The following DGKB variants were observed in gnomAD, a reference collection of about 807,000 sequenced individuals.
The protein encoded by DGKB is 90 kDa diacylglycerol kinase.
A neutral mutation model predicts 114.3 loss-of-function variants in DGKB; 67 were observed. That is an observed-to-expected ratio of 0.59 (90% CI 0.48 to 0.72). DGKB has a LOEUF of 0.72. Ranked by LOEUF, DGKB falls within the 30% of genes least tolerant of loss-of-function variation. DGKB has a pLI of 0.00. For missense variants in DGKB, 907 were observed against 975.2 expected, an observed-to-expected ratio of 0.93 and a Z score of 0.93; for synonymous variants, 398 against 323.1, an observed-to-expected ratio of 1.23 and a Z score of -2.49.
chr7:14,965,483 A>C (rs950097268), intron 1 of DGKB, among the ~76,000 whole-genome samples: 4 of 152,114 alleles, frequency 2.6e-5, no homozygotes, highest in African/African-American at 9.7e-5. Flanking sequence ...CTTGAGCATC[A>C]TTTATAGCAT....
chr7:14,635,201 C>A (rs193259856), intron 13 of DGKB, among the ~76,000 whole-genome samples: 1 of 118,206 alleles, frequency 8.5e-6, no homozygotes, highest in Non-Finnish European at 1.8e-5. Flanking sequence ...ACTTCACTAC[C>A]CTTCAACTGT....
chr7:14,248,475 G>C (rs148203474), intron 23 of DGKB, among the ~76,000 whole-genome samples: 67 of 152,048 alleles, frequency 4.4e-4, no homozygotes, highest in Middle Eastern at 3.4e-3. Context: ...TAATTCTTAC[G>C]ATTCAAGAAC....
At chr7:14,844,102 C>T (rs541443579) in intron 1 of DGKB, among the ~76,000 whole-genome samples, 1 of 152,308 alleles carries the variant, frequency 6.6e-6, no homozygotes, top group East Asian at 1.9e-4. Context: ...TAAATGACTG[C>T]ATTCCCTAGA....
chr7:14,474,112 T>A (rs1187216703), intron 21 of DGKB, among the ~76,000 whole-genome samples: 2 of 152,200 alleles, frequency 1.3e-5, no homozygotes, highest in East Asian at 3.9e-4. Flanking sequence ...AATGATATGG[T>A]TTGGCCATAT....
In DGKB at chr7:14,148,363, A is replaced by G. The variant is rs73269845; in HGVS notation, c.*768T>C. 9.5e-4 allele frequency: 145 copies of G among 152,632 alleles called. No individual in the cohort carries two copies. The highest frequency in any genetic ancestry group is 3.3e-3 in the African/African-American group (138 of 41,558). The allele number at this position is 152,632 out of a possible 1,614,324, so 9.5% of individuals were successfully genotyped here. ...ATTAGGCACATAGTTTAAAACTTCT[A>G]TTTCGTTATTGGTGTGGTTATGAAT... On this transcript the variant is annotated 3_prime_UTR_variant, in exon 26 of 26. Coordinates refer to ENST00000402815, the MANE Select transcript of DGKB (RefSeq NM_001350709.2).
chr7:14,907,603 C>A (rs1554342406), upstream of DGKB, among the ~76,000 whole-genome samples: 1 of 151,974 alleles, frequency 6.6e-6, no homozygotes, highest in Non-Finnish European at 1.5e-5. Context: ...AACTGTGTGC[C>A]CTGTCTTCAT....
rs79551498 is a variant in DGKB at position 14,588,825 on chromosome 7, T to C, written c.1434-5688A>G. Among the ~76,000 whole-genome samples, 138 of 152,198 alleles carry C rather than the reference T, an allele frequency of 9.1e-4. 1 individual carries two copies. In the East Asian group the frequency reaches 0.025, roughly 27 times the overall value. On this transcript the variant is annotated intron_variant, in intron 17 of 25. Coordinates refer to ENST00000402815, the MANE Select transcript of DGKB (RefSeq NM_001350709.2). Reference sequence around the variant, plus strand: ...GCAATTACTACAGCTTTCCAGTAAGTCCATATCTCAGGGCATGAAGAATCT... The same window carrying C: ...GCAATTACTACAGCTTTCCAGTAAGCCCATATCTCAGGGCATGAAGAATCT...
chr7:14,632,047 G>A (rs1457300521), intron 13 of DGKB, among the ~76,000 whole-genome samples: 2 of 151,960 alleles, frequency 1.3e-5, no homozygotes, highest in African/African-American at 4.8e-5. Context: ...CAGAGAGCAG[G>A]CACTGGAAAG....
At chr7:14,204,624 C>A (rs1483994324) in intron 23 of DGKB, among the ~76,000 whole-genome samples, 1 of 151,928 alleles carries the variant, frequency 6.6e-6, no homozygotes, top group African/African-American at 2.4e-5. Context: ...TGGCCCTTTG[C>A]CCATGAGAAC....
In DGKB at chr7:14,402,402, C is replaced by CT. The variant is rs138501298; in HGVS notation, c.1836-57012dup. On this transcript the variant is annotated intron_variant, in intron 21 of 25. Coordinates refer to ENST00000402815, the MANE Select transcript of DGKB (RefSeq NM_001350709.2). Reference sequence around the variant, plus strand: ...TAGTTTCTTACTAACATTGCTTTTGCTTTTTTTTCCTTATTGACTGCTAAT... The same window carrying CT: ...TAGTTTCTTACTAACATTGCTTTTGCTTTTTTTTTCCTTATTGACTGCTAAT... Among the ~76,000 whole-genome samples, 1,416 of 151,626 alleles carry CT rather than the reference C, an allele frequency of 9.3e-3. 10 individuals carry two copies. The highest frequency in any genetic ancestry group is 0.017 in the Middle Eastern group (5 of 294).
At chr7:14,899,764 T>C (rs1174257202) in intron 1 of DGKB, among the ~76,000 whole-genome samples, 1 of 152,112 alleles carries the variant, frequency 6.6e-6, no homozygotes, top group Admixed American at 6.6e-5. Context: ...ATTTTGGGTA[T>C]CATCAGAGAA....
At chr7:14,274,944 T>A (rs1584873195) in intron 23 of DGKB, among the ~76,000 whole-genome samples, 1 of 41,540 alleles carries the variant, frequency 2.4e-5, no homozygotes. Context: ...TCCATAGCAG[T>A]GTGTGTGTGT....
At chr7:14,704,163 C>T (rs1043045218) in intron 6 of DGKB, among the ~76,000 whole-genome samples, 34 of 151,622 alleles carry the variant, frequency 2.2e-4, no homozygotes, top group African/African-American at 7.7e-4. Context: ...CGGCCGGGCG[C>T]GGTGGCTTAT....
intron 2 of DGKB, among the ~76,000 whole-genome samples, chr7:14,759,391 C>A (rs1398069347): frequency 6.6e-6 from 1 of 152,128 alleles, no homozygotes; most frequent in Non-Finnish European, 1.5e-5. Context: ...AAACCTTATG[C>A]CCATTAAACA....
Position 14,741,069 on chromosome 7 carries a change from T to C in DGKB, c.169-4875A>G, listed in dbSNP as rs114849188. 1.4e-3 allele frequency among the ~76,000 whole-genome samples: 212 copies of C among 152,264 alleles called. 1 individual carries two copies. The highest frequency in any genetic ancestry group is 4.5e-3 in the African/African-American group (186 of 41,560). ...GCTCCTTTGAAAAAAATGCCTTCTT[T>C]GTCCCCCTTGGTCCTCTCTTCACAG... is the stretch of plus-strand genomic sequence containing the variant. On this transcript the variant is annotated intron_variant, in intron 4 of 25. Coordinates refer to ENST00000402815, the MANE Select transcript of DGKB (RefSeq NM_001350709.2).
intron 23 of DGKB, among the ~76,000 whole-genome samples, chr7:14,199,713 T>C (rs1785547660): frequency 6.6e-6 from 1 of 152,066 alleles, no homozygotes; most frequent in South Asian, 2.1e-4. Context: ...CAGTGCACTA[T>C]AATGAAGCTC....
intron 20 of DGKB, among the ~76,000 whole-genome samples, chr7:14,499,003 T>G (rs184877986): frequency 6.6e-6 from 1 of 151,774 alleles, no homozygotes; most frequent in Admixed American, 6.6e-5. Flanking sequence ...TTCATTTCAT[T>G]GGGAAGTTTA....
chr7:14,514,630 T>C (rs996744336), intron 20 of DGKB, among the ~76,000 whole-genome samples: 1 of 152,184 alleles, frequency 6.6e-6, no homozygotes, highest in Non-Finnish European at 1.5e-5. Flanking sequence ...GAATCACATA[T>C]ATTGAGATCT....
intron 21 of DGKB, among the ~76,000 whole-genome samples, chr7:14,428,194 T>C (rs1035948589): frequency 1.1e-4 from 16 of 152,062 alleles, no homozygotes; most frequent in Admixed American, 5.9e-4. Context: ...TAATTTTCTT[T>C]ACAATCATCT....
Sources: allele counts gnomAD v4.1 joint callset (sites outside exome capture counted in the v4.1 genomes callset), GRCh38; gene constraint gnomAD v4.1.1; transcripts MANE v1.5; gene names NCBI Gene and HGNC (gene_info 2026-07-23, HGNC 2026-07-21).